Variants in CAMTA1 observed in about 807,000 individuals in gnomAD.
The protein encoded by CAMTA1 is calmodulin binding transcription activator 1, also known as calmodulin-binding transcription activator 1.
CAMTA1 carries 27 observed loss-of-function variants against 170.9 expected under a neutral mutation model. That is an observed-to-expected ratio of 0.16 (90% confidence interval 0.12 to 0.22). CAMTA1 has a LOEUF of 0.22. Among genes scored for constraint, CAMTA1 ranks in the 10% least tolerant of loss-of-function variants. The pLI is 1.00. For synonymous variants in CAMTA1, 833 were observed against 891.5 expected (o/e 0.93, Z 1.17); for missense variants, 1,619 against 2,217.2 (o/e 0.73, Z 5.42).
intron 1 of CAMTA1, among the ~76,000 whole-genome samples, chr1:6,803,964 C>T (rs963295773): frequency 6.6e-6 from 1 of 151,832 alleles, no homozygotes; most frequent in Non-Finnish European, 1.5e-5. Context: ...GGGTGGATCT[C>T]CTGAGGTCAG....
chr1:7,205,252 C>T (rs373434798), intron 4 of CAMTA1, among the ~76,000 whole-genome samples: 12 of 152,096 alleles, frequency 7.9e-5, no homozygotes, highest in East Asian at 3.9e-4. Context: ...TACAGGCATG[C>T]GCCACCATGC....
chr1:7,322,996 C>T (rs1427256533), intron 5 of CAMTA1, among the ~76,000 whole-genome samples: 2 of 123,320 alleles, frequency 1.6e-5, no homozygotes, highest in Non-Finnish European at 3.2e-5. Context: ...TCCCTTTTCC[C>T]TTCCCCTTCC....
chr1:7,520,450 G>A (rs2094350367), intron 6 of CAMTA1, among the ~76,000 whole-genome samples: 2 of 150,762 alleles, frequency 1.3e-5, no homozygotes, highest in African/African-American at 4.9e-5. Flanking sequence ...GGGGCCAGCA[G>A]GATACAGCCT....
At chr1:7,594,994 C>G (rs765109462) in intron 6 of CAMTA1, among the ~76,000 whole-genome samples, 26 of 152,050 alleles carry the variant, frequency 1.7e-4, no homozygotes, top group Non-Finnish European at 3.2e-4. Context: ...GGGGGATCAC[C>G]CAATAAAAGA....
chr1:7,572,176 T>C (rs1290098500), intron 6 of CAMTA1, among the ~76,000 whole-genome samples: 2 of 152,254 alleles, frequency 1.3e-5, no homozygotes, highest in Non-Finnish European at 2.9e-5. Flanking sequence ...GCCTATGTTT[T>C]AACGGGGTTG....
chr1:6,941,457 G>A (rs1230944725), intron 3 of CAMTA1, among the ~76,000 whole-genome samples: 12 of 152,176 alleles, frequency 7.9e-5, no homozygotes, highest in Admixed American at 7.2e-4. Context: ...AGAGTGTGGG[G>A]ACTTGGTGCC....
chr1:7,030,656 C>T lies in CAMTA1; in HGVS notation c.235-60648C>T, dbSNP rs186968298. On this transcript the variant is annotated intron_variant, in intron 3 of 22. Coordinates refer to ENST00000303635, the MANE Select transcript of CAMTA1 (RefSeq NM_015215.4). ...AGAGAATATACTGATAAATGAATTCCTTTTTTTGTGAATTCATTTAATTCT... is the reference window on the plus strand; with the variant it reads ...AGAGAATATACTGATAAATGAATTCTTTTTTTTGTGAATTCATTTAATTCT... Among the ~76,000 whole-genome samples the T allele has an allele frequency of 5.2e-4, 79 of 152,114 alleles. 1 individual carries two copies. The highest frequency in any genetic ancestry group is 1.9e-3 in the African/African-American group (77 of 41,484).
At chr1:7,445,918 G>A (rs80267232) in intron 5 of CAMTA1, among the ~76,000 whole-genome samples, 1 of 152,004 alleles carries the variant, frequency 6.6e-6, no homozygotes, top group Admixed American at 6.5e-5. Context: ...CAGAGCCTGC[G>A]AGTCCAAAGA....
intron 5 of CAMTA1, among the ~76,000 whole-genome samples, chr1:7,350,926 T>C (rs994217509): frequency 1.3e-5 from 2 of 152,254 alleles, no homozygotes; most frequent in Non-Finnish European, 2.9e-5. Flanking sequence ...CTTTGTAGCC[T>C]GTGTTCCTTA....
At chr1:7,358,679 C>T (rs1042440964) in intron 5 of CAMTA1, among the ~76,000 whole-genome samples, 4 of 152,208 alleles carry the variant, frequency 2.6e-5, no homozygotes, top group African/African-American at 7.2e-5. Context: ...TTTCCTTTCT[C>T]CTCCTTGGAG....
chr1:7,564,375 C>T (rs1043123147), intron 6 of CAMTA1, among the ~76,000 whole-genome samples: 4 of 152,198 alleles, frequency 2.6e-5, no homozygotes, highest in Admixed American at 1.3e-4. Flanking sequence ...GGAGGGACAG[C>T]GGTTATAGTG....
chr1:7,342,152 G>A (rs954579483), intron 5 of CAMTA1, among the ~76,000 whole-genome samples: 2 of 152,296 alleles, frequency 1.3e-5, no homozygotes, highest in South Asian at 4.2e-4. Flanking sequence ...CCTCTTGAGG[G>A]CAATATCTGG....
intron 22 of CAMTA1, among the ~76,000 whole-genome samples, chr1:7,765,329 A>C (rs575394078): frequency 6.6e-6 from 1 of 152,312 alleles, no homozygotes; most frequent in East Asian, 1.9e-4. Context: ...CACCCCATCT[A>C]CATCAGGTGG....
At chr1:7,506,208 A>G (rs1013238954) in intron 6 of CAMTA1, among the ~76,000 whole-genome samples, 13 of 152,170 alleles carry the variant, frequency 8.5e-5, no homozygotes, top group Non-Finnish European at 1.8e-4. Flanking sequence ...GGAACACACC[A>G]GAACCAGGAA....
rs1244278699 is a variant in CAMTA1 at position 7,685,761 on chromosome 1, A to G, written c.2914+8028A>G. Among the ~76,000 whole-genome samples the G allele has an allele frequency of 6.6e-6, 1 of 152,140 alleles. No individual in the cohort carries two copies. The highest frequency in any genetic ancestry group is 1.5e-5 in the Non-Finnish European group (1 of 68,018). On this transcript the variant is annotated intron_variant, in intron 11 of 22. Transcript: ENST00000303635. The surrounding 1 kb of genome is among the most constrained non-coding windows in gnomAD (Gnocchi z 5.7). ...CTGTTTGTCTTCTTGGATCCAGGCC[A>G]TCCATCTAACGGCCTACAGGGCAGC...
In CAMTA1 at chr1:6,934,787, C is replaced by T. The variant is rs1161199787; in HGVS notation, c.234+109577C>T. Among the ~76,000 whole-genome samples the T allele has an allele frequency of 6.6e-6, 1 of 152,074 alleles. No homozygotes were observed. Among genetic ancestry groups the T allele is most frequent in the East Asian group, 1.9e-4 (1 of 5,186 alleles). ...CGTATGGTTGGAGAGGAAGGCAGGG[C>T]TCTGAGGATGCTATGATGTGCCATT... is the stretch of plus-strand genomic sequence containing the variant. On this transcript the variant is annotated intron_variant, in intron 3 of 22. Transcript: ENST00000303635. The surrounding 1 kb of genome is among the most constrained non-coding windows in gnomAD (Gnocchi z 4.5).
intron 3 of CAMTA1, among the ~76,000 whole-genome samples, chr1:7,056,580 T>C (rs1217392644): frequency 6.6e-6 from 1 of 152,204 alleles, no homozygotes; most frequent in African/African-American, 2.4e-5. Flanking sequence ...CCCATGTTTA[T>C]GGAGTGTCAT....
intron 4 of CAMTA1, among the ~76,000 whole-genome samples, chr1:7,123,498 G>A (rs1644762484): frequency 1.3e-5 from 2 of 152,274 alleles, no homozygotes; most frequent in South Asian, 4.1e-4. Context: ...TATAGTAGGT[G>A]CCACGTCTGC....
intron 4 of CAMTA1, among the ~76,000 whole-genome samples, chr1:7,102,928 C>CTTA (rs1642913937): frequency 6.6e-6 from 1 of 152,200 alleles, no homozygotes; most frequent in East Asian, 1.9e-4. Context: ...TCGGTGAATA[C>CTTA]CTTCCGACTG....
Sources: gnomAD v4.1 joint callset for allele counts (sites outside exome capture counted in the v4.1 genomes callset) on GRCh38, gnomAD v4.1.1 for gene constraint, Gnocchi (gnomAD v3.1) non-coding constraint, MANE v1.5 for transcripts, NCBI Gene and HGNC (gene_info 2026-07-23, HGNC 2026-07-21) for gene names.